Variants in TRIP12 observed in about 807,000 individuals in gnomAD.
TRIP12 encodes the protein thyroid hormone receptor interactor 12.
In TRIP12, 25 loss-of-function variants were observed where a neutral mutation model predicts 244.2. The observed-to-expected ratio is 0.10, with a 90% confidence interval of 0.07 to 0.14. TRIP12 has a LOEUF of 0.14. Among genes scored for constraint, TRIP12 ranks in the 10% least tolerant of loss-of-function variants. The probability of loss-of-function intolerance (pLI) is 1.00; values close to 1 mark genes in which losing one functional copy is unlikely to be tolerated. For synonymous variants in TRIP12, 905 were observed against 873.1 expected (o/e 1.04, Z -0.64); for missense variants, 1,677 against 2,486.4 (o/e 0.67, Z 6.92).
At chr2:229,880,170 A>G (rs1576558549) in intron 1 of TRIP12, 42 bp from the exon 2 acceptor site, 1 of 1,223,700 alleles carries the variant, frequency 8.2e-7, no homozygotes, top group East Asian at 2.4e-5. Flanking sequence ...AGATGTACAA[A>G]ATACAATATG....
At chr2:229,843,005 AG>A (rs1423471878) in intron 4 of TRIP12, among the ~76,000 whole-genome samples, 2 of 152,062 alleles carry the variant, frequency 1.3e-5, no homozygotes, top group East Asian at 3.9e-4. Context: ...TACTCTAAAA[AG>A]ATCCTTCCTG....
chr2:229,861,899 A>G (rs2060536539), intron 2 of TRIP12, among the ~76,000 whole-genome samples: 1 of 152,244 alleles, frequency 6.6e-6, no homozygotes, highest in Non-Finnish European at 1.5e-5. Flanking sequence ...AATAACAAAA[A>G]AACAAAACTC....
At chr2:229,799,706 C>A (rs2043768593) in intron 21 of TRIP12, among the ~76,000 whole-genome samples, 1 of 151,200 alleles carries the variant, frequency 6.6e-6, no homozygotes, top group Admixed American at 6.6e-5. Context: ...ACCCGGGAGG[C>A]GGAGCTTGCA....
chr2:229,799,104 A>G, intron 22 of TRIP12, 55 bp from the exon 23 acceptor site: 2 of 1,594,496 alleles, frequency 1.3e-6, no homozygotes, highest in Non-Finnish European at 1.7e-6. Context: ...GTGATGAAAA[A>G]CAACTGATTT....
At chr2:229,785,610 T>G in intron 34 of TRIP12, 147 bp downstream of exon 34, 1 of 653,324 alleles carries the variant, frequency 1.5e-6, no homozygotes, top group South Asian at 3.4e-5. Context: ...CTTTGAAAAA[T>G]GGAGAACTTA....
intron 5 of TRIP12, among the ~76,000 whole-genome samples, chr2:229,839,090 G>A (rs1319691511): frequency 2.6e-5 from 4 of 152,176 alleles, no homozygotes; most frequent in Non-Finnish European, 5.9e-5. Context: ...TGTCAAGGAC[G>A]AACCACGTAT....
chr2:229,876,685 G>T (rs1018672949), intron 2 of TRIP12, among the ~76,000 whole-genome samples: 1 of 152,104 alleles, frequency 6.6e-6, no homozygotes, highest in Non-Finnish European at 1.5e-5. Flanking sequence ...TTTGAGACAG[G>T]GTCTTTCTCT....
chr2:229,819,809 A>T (rs1239514714), intron 8 of TRIP12, among the ~76,000 whole-genome samples: 1 of 152,186 alleles, frequency 6.6e-6, no homozygotes, highest in Non-Finnish European at 1.5e-5. Context: ...ATTCTCAAAA[A>T]ACTGAACCTA....
chr2:229,826,947 A>T (rs776663080), intron 8 of TRIP12, among the ~76,000 whole-genome samples: 2 of 152,302 alleles, frequency 1.3e-5, no homozygotes, highest in East Asian at 3.9e-4. Context: ...TGTAAACTGT[A>T]TATTTATGTA....
chr2:229,860,589 C>T, intron 2 of TRIP12, 58 bp from the exon 3 acceptor site: 1 of 1,433,614 alleles, frequency 7.0e-7, no homozygotes, highest in Non-Finnish European at 9.3e-7. Context: ...AAATACAATA[C>T]TGAAAATGAA....
intron 4 of TRIP12, among the ~76,000 whole-genome samples, chr2:229,843,692 A>G (rs1420550696): frequency 6.6e-6 from 1 of 152,236 alleles, no homozygotes; most frequent in Non-Finnish European, 1.5e-5. Context: ...CAGCATCAAC[A>G]ACACTGTAAG....
chr2:229,882,281 A>C (rs768812298), intron 1 of TRIP12, among the ~76,000 whole-genome samples: 2 of 152,244 alleles, frequency 1.3e-5, no homozygotes, highest in Non-Finnish European at 2.9e-5. Flanking sequence ...GGTAAAATAA[A>C]ATCTAATATA....
At chr2:229,866,224 C>G (rs1180302532) in intron 2 of TRIP12, among the ~76,000 whole-genome samples, 1 of 152,104 alleles carries the variant, frequency 6.6e-6, no homozygotes, top group Non-Finnish European at 1.5e-5. Context: ...TTAAATTTTC[C>G]AAGAATGCAA....
intron 1 of TRIP12, among the ~76,000 whole-genome samples, chr2:229,896,261 T>C (rs1291326158): frequency 1.3e-5 from 2 of 152,154 alleles, no homozygotes; most frequent in African/African-American, 4.8e-5. Context: ...GGTCGTTGTA[T>C]TTTCCACAAA....
chr2:229,830,273 A>T (rs569407647), intron 7 of TRIP12, among the ~76,000 whole-genome samples: 2 of 152,330 alleles, frequency 1.3e-5, no homozygotes, highest in East Asian at 3.9e-4. Flanking sequence ...TTTATGCTGC[A>T]GGTTGCAATT....
intron 39 of TRIP12, among the ~76,000 whole-genome samples, chr2:229,771,305 C>T (rs1055526833): frequency 2.0e-5 from 3 of 152,332 alleles, no homozygotes; most frequent in East Asian, 1.9e-4. Context: ...CTTACTGTCA[C>T]GCGTGGAACC....
chr2:229,850,827 G>A lies in TRIP12; in HGVS notation c.1027+7945C>T, dbSNP rs1046430915. On this transcript the variant is annotated intron_variant, in intron 4 of 41. Transcript: ENST00000675903. ...CACACTCGGAGGAGCAGCCGGCCCT[G>A]CCGGCCCCAGGCAATGAGGGGCTCA... Among the ~76,000 whole-genome samples, 3 of 152,372 alleles carry A rather than the reference G, an allele frequency of 2.0e-5. No individual in the cohort carries two copies. The Middle Eastern group carries it at 0.01, about 518-fold the overall frequency.
At chr2:229,839,250 G>A (rs2154307604) in intron 5 of TRIP12, among the ~76,000 whole-genome samples, 1 of 152,278 alleles carries the variant, frequency 6.6e-6, no homozygotes, top group South Asian at 2.1e-4. Context: ...TTGTGGCTAG[G>A]AGCAACAGGC....
intron 25 of TRIP12, 76 bp from the exon 26 acceptor site, chr2:229,795,406 A>G: frequency 2.0e-6 from 3 of 1,488,792 alleles, no homozygotes; most frequent in Non-Finnish European, 2.7e-6. Context: ...AAGATTTAAT[A>G]AGCAGCTTTA....
Sources: gnomAD v4.1 joint callset for allele counts (sites outside exome capture counted in the v4.1 genomes callset) on GRCh38, gnomAD v4.1.1 for gene constraint, MANE v1.5 for transcripts, NCBI Gene and HGNC (gene_info 2026-07-23, HGNC 2026-07-21) for gene names.